Variants in SGSM1 observed in about 807,000 individuals in gnomAD.
SGSM1 encodes the protein small G protein signaling modulator 1, also known as RUN and TBC1 domain containing 2.
In SGSM1, 73 loss-of-function variants were observed where a neutral mutation model predicts 133.8. The ratio of observed to expected loss-of-function variants is 0.55; its 90% CI spans 0.45 to 0.66. The LOEUF (loss-of-function observed/expected upper bound fraction) is 0.66. Ranked by LOEUF, SGSM1 falls within the 30% of genes least tolerant of loss-of-function variation. SGSM1 has a pLI of 0.00. For missense variants in SGSM1, 1,213 were observed against 1,448.1 expected (o/e 0.84, Z 2.64); for synonymous variants, 563 against 573.0 (o/e 0.98, Z 0.25).
chr22:24,887,019 G>C (rs73157909), intron 16 of SGSM1, among the ~76,000 whole-genome samples: 7,101 of 152,104 alleles, frequency 0.047, 271 homozygotes, highest in African/African-American at 0.1. Flanking sequence ...TTGTAAAACT[G>C]TAAGGTAGTA....
chr22:24,838,095 A>C (rs1210251148), intron 2 of SGSM1, among the ~76,000 whole-genome samples: 1 of 152,132 alleles, frequency 6.6e-6, no homozygotes, highest in Non-Finnish European at 1.5e-5. Context: ...GGTCCATTTT[A>C]CTTTAATTTC....
intron 9 of SGSM1, among the ~76,000 whole-genome samples, chr22:24,862,499 G>A (rs1049421712): frequency 1.3e-5 from 2 of 152,104 alleles, no homozygotes; most frequent in Non-Finnish European, 2.9e-5. Flanking sequence ...CAAGGGTCCC[G>A]TCTTGTTCGC....
At chr22:24,919,799 T>TC (rs770507894) in intron 23 of SGSM1, 27 bp from the exon 24 acceptor site, 80 of 1,612,622 alleles carry the variant, frequency 5.0e-5, no homozygotes, top group African/African-American at 6.7e-5. Flanking sequence ...ACCAATTCTC[T>TC]CCCCATGTGT....
At position 24,886,667 on chromosome 22, in the gene SGSM1, C is replaced by A; in HGVS notation, c.1709C>A (p.Ala570Asp). Reference sequence around the variant, plus strand: ...GGCATCCAGCCTGAGATCCGCAAGGCCGTGTGGCCCTTCCTCCTGGGCCAC... The same window carrying A: ...GGCATCCAGCCTGAGATCCGCAAGGACGTGTGGCCCTTCCTCCTGGGCCAC... Reference protein sequence around the residue: ...YGGIQPEIRKAVWPFLLGHYQ... With the variant: ...YGGIQPEIRKDVWPFLLGHYQ... Residue 570 changes from alanine (A) to aspartate (D), a missense_variant, in exon 16 of 25, where the codon GCC becomes GAC. Coordinates refer to ENST00000400358, the MANE Select transcript of SGSM1 (RefSeq NM_001098497.3). 1 of 1,567,696 alleles carries A rather than the reference C, an allele frequency of 6.4e-7. No individual in the cohort carries two copies. The highest frequency in any genetic ancestry group is 8.6e-7 in the Non-Finnish European group (1 of 1,156,626).
At chr22:24,862,726 C>T (rs371865230) in intron 9 of SGSM1, among the ~76,000 whole-genome samples, 10 of 152,148 alleles carry the variant, frequency 6.6e-5, no homozygotes, top group East Asian at 3.8e-4. Context: ...TACTGGAAGA[C>T]AATGAATGAG....
At chr22:24,831,105 G>A (rs1177175411) in intron 2 of SGSM1, among the ~76,000 whole-genome samples, 3 of 151,310 alleles carry the variant, frequency 2.0e-5, no homozygotes, top group Non-Finnish European at 4.4e-5. Context: ...CACGCTGCAG[G>A]TTAGTGGTCC....
intron 4 of SGSM1, among the ~76,000 whole-genome samples, chr22:24,849,543 A>G (rs1253690314): frequency 1.3e-5 from 2 of 152,012 alleles, no homozygotes; most frequent in Non-Finnish European, 2.9e-5. Context: ...CAAGAGTGAA[A>G]CTCCGTCTCA....
At chr22:24,841,083 CT>C (rs1929777529) in intron 2 of SGSM1, among the ~76,000 whole-genome samples, 1 of 152,166 alleles carries the variant, frequency 6.6e-6, no homozygotes, top group Non-Finnish European at 1.5e-5. Context: ...ATCTCCTGAC[CT>C]TGTGATCCGC....
In SGSM1 at chr22:24,822,088, C is replaced by CTCTT. The variant is rs1555920070; in HGVS notation, c.63+15605_63+15606insCTTT. Among the ~76,000 whole-genome samples the CTCTT allele has an allele frequency of 8.7e-4, 84 of 96,002 alleles. 1 individual carries two copies. In the South Asian group the frequency reaches 0.016, roughly 18 times the overall value. 63.0% of individuals were successfully genotyped at this position (96,002 alleles called of 152,430 possible). A position where few individuals can be genotyped will look rare whatever the true frequency, so the allele number is the denominator to read the frequency against. On this transcript the variant is annotated intron_variant, in intron 2 of 24. Transcript: ENST00000400358. ...CCATGCTCTACCTGTTCATCTCTCT[C>CTCTT]TTTTTTTTTTTTTTTTTTTTGAGAC...
At chr22:24,817,842 G>C (rs1229253746) in intron 2 of SGSM1, among the ~76,000 whole-genome samples, 1 of 152,230 alleles carries the variant, frequency 6.6e-6, no homozygotes, top group Non-Finnish European at 1.5e-5. Flanking sequence ...TTGGTATCTG[G>C]TGAGGGCCTT....
rs185691454 is a variant in SGSM1, at chr22:24,873,210, G to A, written c.1292-3367G>A. ...ACTCCTGGGCTCAAGCAATTCATCC[G>A]CCTCAGGCTCCCAAAGTCCTGGGAT... On this transcript the variant is annotated intron_variant, in intron 12 of 24. Coordinates refer to ENST00000400358, the MANE Select transcript of SGSM1 (RefSeq NM_001098497.3). 2.0e-3 allele frequency among the ~76,000 whole-genome samples: 298 copies of A among 152,122 alleles called. 1 individual carries two copies. Among genetic ancestry groups the A allele is most frequent in the African/African-American group, 6.6e-3 (274 of 41,500 alleles).
intron 16 of SGSM1, among the ~76,000 whole-genome samples, chr22:24,892,417 A>C (rs1055487664): frequency 8.5e-5 from 13 of 152,182 alleles, no homozygotes; most frequent in African/African-American, 3.1e-4. Flanking sequence ...CTCAGGGACA[A>C]TGGAAGCTCC....
intron 9 of SGSM1, among the ~76,000 whole-genome samples, chr22:24,861,143 A>G (rs991282418): frequency 6.6e-6 from 1 of 150,832 alleles, no homozygotes; most frequent in African/African-American, 2.4e-5. Context: ...TCATGAGGTC[A>G]GGAGTTCAAG....
At position 24,859,780 on chromosome 22, in the gene SGSM1, T is replaced by C; in HGVS notation, c.866T>C (p.Leu289Ser). 6.2e-7 allele frequency: 1 copy of C among 1,613,906 alleles called. No individual in the cohort carries two copies. The highest frequency in any genetic ancestry group is 8.5e-7 in the Non-Finnish European group (1 of 1,179,876). Residue 289 changes from leucine to serine, a missense_variant, in exon 9 of 25, where the codon TTG becomes TCG. By Grantham distance (145) the Leu-to-Ser change is moderately radical. Transcript: ENST00000400358. ...CACCAGACGGCTGACGTCATGACCT[T>C]GAAGTGGACACCCAACCAGCTGATG... is the stretch of plus-strand genomic sequence containing the variant. ...SLHQTADVMT[L>S]KWTPNQLMNG... is the part of the protein sequence containing the mutation.
chr22:24,819,351 C>T (rs1461921857), intron 2 of SGSM1, among the ~76,000 whole-genome samples: 2 of 152,148 alleles, frequency 1.3e-5, no homozygotes, highest in Non-Finnish European at 1.5e-5. Context: ...CCAGTAGCCA[C>T]GTTTGGCTGA....
intron 8 of SGSM1, 144 bp from the exon 9 acceptor site, chr22:24,859,572 A>T: frequency 8.8e-7 from 1 of 1,138,354 alleles, no homozygotes; most frequent in Non-Finnish European, 1.3e-6. Context: ...AGGAGGCTTT[A>T]GAGTCTTCCA....
intron 15 of SGSM1, among the ~76,000 whole-genome samples, chr22:24,884,612 C>T (rs546643556): frequency 6.6e-6 from 1 of 152,292 alleles, no homozygotes; most frequent in African/African-American, 2.4e-5. Context: ...GAAAAATTAG[C>T]TTGCCATTGT....
intron 15 of SGSM1, among the ~76,000 whole-genome samples, chr22:24,885,435 C>CTTTT (rs749418833): frequency 2.0e-4 from 24 of 122,058 alleles, no homozygotes; most frequent in African/African-American, 2.6e-4. Flanking sequence ...CATTGAGCAC[C>CTTTT]TTTTTTTTTT....
chr22:24,822,036 G>C (rs995114898), intron 2 of SGSM1, among the ~76,000 whole-genome samples: 5 of 151,378 alleles, frequency 3.3e-5, no homozygotes, highest in Admixed American at 6.6e-5. Flanking sequence ...ATCATGAGGA[G>C]AGTGTTTCCA....
Sources: gnomAD v4.1 joint callset for allele counts (sites outside exome capture counted in the v4.1 genomes callset) on GRCh38, gnomAD v4.1.1 for gene constraint, MANE v1.5 for transcripts, NCBI Gene and HGNC (gene_info 2026-07-23, HGNC 2026-07-21) for gene names.